CHD1L: variants seen among roughly 807,000 people sequenced by gnomAD.
The protein encoded by CHD1L is ATP-dependent chromatin remodeler CHD1L.
A neutral mutation model predicts 115.9 loss-of-function variants in CHD1L; 118 were observed. That is an observed-to-expected ratio of 1.02 (90% CI 0.88 to 1.19). The LOEUF (loss-of-function observed/expected upper bound fraction) is 1.19. Among genes scored for constraint, CHD1L ranks in the 50% most tolerant of loss-of-function variants. The pLI, the probability that CHD1L is intolerant of heterozygous loss-of-function variation, is 0.00. For synonymous variants in CHD1L, 411 were observed against 387.1 expected, an observed-to-expected ratio of 1.06 and a Z score of -0.72; for missense variants, 1,179 against 1,065.3, an observed-to-expected ratio of 1.11 and a Z score of -1.49.
intron 1 of CHD1L, among the ~76,000 whole-genome samples, chr1:147,247,078 CTGT>C (rs1344015228): frequency 6.6e-6 from 1 of 152,122 alleles, no homozygotes; most frequent in Non-Finnish European, 1.5e-5. Flanking sequence ...TTTTGATGGA[CTGT>C]TTAGAAAGAA....
chr1:147,266,469 G>A (rs1673953964), intron 8 of CHD1L, among the ~76,000 whole-genome samples: 1 of 152,174 alleles, frequency 6.6e-6, no homozygotes, highest in Non-Finnish European at 1.5e-5. Flanking sequence ...ATTAAATGAA[G>A]ATTCCAAAAA....
At chr1:147,272,579 T>G (rs1676665434) in intron 12 of CHD1L, 1 of 212,032 alleles carries the variant, frequency 4.7e-6, no homozygotes, top group Non-Finnish European at 9.3e-6. Context: ...AATGTTTCAT[T>G]TACATTCAGT....
upstream of CHD1L, among the ~76,000 whole-genome samples, chr1:147,240,246 C>G (rs979260622): frequency 6.6e-6 from 1 of 152,210 alleles, no homozygotes; most frequent in Non-Finnish European, 1.5e-5. Flanking sequence ...ACCCTGTGCT[C>G]CCTGAAACAT....
At chr1:147,178,493 A>G in the CHD1L span, 1 of 1,610,910 alleles carries the variant, frequency 6.2e-7, no homozygotes, top group Non-Finnish European at 8.5e-7. Context: ...ATTGTCAGCC[A>G]CCTGAAGAAG....
chr1:147,264,647 A>G, intron 7 of CHD1L, 63 bp downstream of exon 7: 1 of 1,535,852 alleles, frequency 6.5e-7, no homozygotes, highest in Non-Finnish European at 8.9e-7. Context: ...CCTCATGCAT[A>G]ATGGTTATAG....
the CHD1L span, among the ~76,000 whole-genome samples, chr1:147,184,870 A>G: frequency 6.6e-6 from 1 of 152,154 alleles, no homozygotes; most frequent in African/African-American, 2.4e-5. This position sits in a 1 kb window ranked among gnomAD's most constrained non-coding sequence, Gnocchi z 4.4. Context: ...GTTCTGCTCC[A>G]TATCCTTGAG....
At chr1:147,280,512 A>G (rs1198128103) in intron 15 of CHD1L, among the ~76,000 whole-genome samples, 7 of 152,196 alleles carry the variant, frequency 4.6e-5, no homozygotes, top group African/African-American at 1.7e-4. Flanking sequence ...AGTAAAGCCT[A>G]CCATCCTTGG....
At chr1:147,229,732 G>A in the CHD1L span, among the ~76,000 whole-genome samples, 2 of 152,100 alleles carry the variant, frequency 1.3e-5, no homozygotes, top group South Asian at 2.1e-4. Flanking sequence ...CACATCCCTT[G>A]TAAGTTGGAT....
the CHD1L span, among the ~76,000 whole-genome samples, chr1:147,198,211 C>T: frequency 0.037 from 5,620 of 152,226 alleles, 158 homozygotes; most frequent in South Asian, 0.095. Flanking sequence ...GAAGTTTCTA[C>T]ATCAGAATTT....
At chr1:147,232,709 C>CGG in the CHD1L span, among the ~76,000 whole-genome samples, 903 of 152,282 alleles carry the variant, frequency 5.9e-3, 4 homozygotes, top group Non-Finnish European at 9.4e-3. Context: ...CTGTGTTGGC[C>CGG]GGGCTGGTCT....
At chr1:147,294,637 C>T (rs1686892419) in intron 22 of CHD1L, 120 bp downstream of exon 22, 1 of 661,226 alleles carries the variant, frequency 1.5e-6, no homozygotes, top group East Asian at 2.9e-5. Flanking sequence ...TTTACTTTCC[C>T]CCTCTTCAGT....
intron 6 of CHD1L, among the ~76,000 whole-genome samples, chr1:147,263,644 T>C (rs1553945787): frequency 6.6e-6 from 1 of 152,066 alleles, no homozygotes. Flanking sequence ...AGGACATTTT[T>C]TTTCCATTTG....
chr1:147,173,688 C>T, the CHD1L span: 1 of 152,166 alleles, frequency 6.6e-6, no homozygotes, highest in Non-Finnish European at 1.5e-5. Flanking sequence ...AAACGTTTAT[C>T]ACTCTGTGTT....
chr1:147,218,235 C>T, the CHD1L span, among the ~76,000 whole-genome samples: 7 of 100,784 alleles, frequency 6.9e-5, no homozygotes, highest in East Asian at 1.5e-3. Flanking sequence ...AGTATCTCAA[C>T]ATGCAGAATT....
At position 147,286,484 on chromosome 1, in the gene CHD1L, C is replaced by T. The variant is rs1028671951; in HGVS notation, c.2205C>T (p.Leu735=). 3.1e-6 allele frequency: 5 copies of T among 1,613,770 alleles called. No homozygotes were observed. Among genetic ancestry groups the T allele is most frequent in the East Asian group, 2.2e-5 (1 of 44,878 alleles). The change falls in exon 18 of 23, where the codon CTC becomes CTT. Residue 735 remains leucine, a synonymous_variant. Transcript: ENST00000369258. ...CTCAGGCTGGGGCCGAGGATGCTCT[C>T]ATTGTGCACTGCGTAGGTACGAGAA... ...THPQAGAEDA[L]IVHCVDDSGH... is the part of the protein sequence containing the mutation.
Position 147,266,103 on chromosome 1 carries a change from T to C in CHD1L, c.895+16T>C. On this transcript the variant is annotated intron_variant, in intron 8 of 22. Coordinates refer to ENST00000369258, the MANE Select transcript of CHD1L (RefSeq NM_004284.6). The stretch of plus-strand genomic sequence containing the variant: ...AAAGACCTAGGTAATCAGAGGGCAC[T>C]TGTCCATTTAGAAACTAAATGAGGA... The C allele has an allele frequency of 6.3e-7, 1 of 1,597,958 alleles. No homozygotes were observed. The highest frequency in any genetic ancestry group is 1.8e-5 in the Admixed American group (1 of 56,288).
At chr1:147,253,244 G>A (rs1286959542) in intron 2 of CHD1L, among the ~76,000 whole-genome samples, 1 of 152,054 alleles carries the variant, frequency 6.6e-6, no homozygotes, top group Non-Finnish European at 1.5e-5. Context: ...GAATTCACTA[G>A]TAACTCCACA....
At chr1:147,192,173 C>T in the CHD1L span, among the ~76,000 whole-genome samples, 2 of 151,996 alleles carry the variant, frequency 1.3e-5, no homozygotes, top group Non-Finnish European at 2.9e-5. Context: ...TCTTTGTATC[C>T]TCTTTTATTT....
chr1:147,242,702 C>G lies in CHD1L; in HGVS notation c.-2C>G, dbSNP rs782474002. 12 of 1,259,942 alleles carry G rather than the reference C, an allele frequency of 9.5e-6. No individual in the cohort carries two copies. Among genetic ancestry groups the G allele is most frequent in the Admixed American group, 3.9e-5 (1 of 25,818 alleles). The allele number at this position is 1,259,942 out of a possible 1,614,324, so 78.0% of individuals were successfully genotyped here. A position where few individuals can be genotyped will look rare whatever the true frequency, so the allele number is the denominator to read the frequency against. ...GCGCGGGGCGGGGCCTCTACCGGCC[C>G]GATGGAGCGCGCGGGCGCTACTAGC... On this transcript the variant is annotated 5_prime_UTR_variant, in exon 1 of 23. Transcript: ENST00000369258.
Sources: allele counts gnomAD v4.1 joint callset (sites outside exome capture counted in the v4.1 genomes callset), GRCh38; gene constraint gnomAD v4.1.1; non-coding constraint Gnocchi (gnomAD v3.1); transcripts MANE v1.5; gene names NCBI Gene and HGNC (gene_info 2026-07-23, HGNC 2026-07-21).